DCAF1: variants seen among roughly 807,000 people sequenced by gnomAD.
DCAF1 encodes the protein DDB1- and CUL4-associated factor 1.
In DCAF1, 15 loss-of-function variants were observed where a neutral mutation model predicts 128.0. The ratio of observed to expected loss-of-function variants is 0.12; its 90% CI spans 0.08 to 0.18. The LOEUF is 0.18. Among genes scored for constraint, DCAF1 ranks in the 10% least tolerant of loss-of-function variants. The pLI is 1.00. For missense variants in DCAF1, 988 were observed against 1,649.5 expected (o/e 0.60, Z 6.95); for synonymous variants, 610 against 603.0 (o/e 1.01, Z -0.17).
At chr3:51,417,971 A>G (rs1699049807) in intron 17 of DCAF1, 145 bp downstream of exon 17, 1 of 1,014,482 alleles carries the variant, frequency 9.9e-7, no homozygotes, top group South Asian at 1.7e-5. Context: ...CTTATTAAAC[A>G]TGAGTCTTAG....
At chr3:51,464,264 A>AAT (rs1553645746) in intron 5 of DCAF1, among the ~76,000 whole-genome samples, 2 of 150,398 alleles carry the variant, frequency 1.3e-5, no homozygotes, top group African/African-American at 4.9e-5. Flanking sequence ...AATTATATAT[A>AAT]TAATACAATA....
chr3:51,446,295 C>T (rs1300689091), intron 6 of DCAF1, among the ~76,000 whole-genome samples: 1 of 152,080 alleles, frequency 6.6e-6, no homozygotes, highest in African/African-American at 2.4e-5. Flanking sequence ...CCACCGCACC[C>T]GGCCAAGTTC....
rs561862353 is a variant in DCAF1 at position 51,428,755 on chromosome 3, A to T, written c.1677+506T>A. ...ACACCTGTAATTCTAGCACTTTGGG[A>T]GGTCGAGGTGGGAGGACTGCTTGAG... On this transcript the variant is annotated intron_variant, in intron 12 of 24. Coordinates refer to ENST00000684031, the MANE Select transcript of DCAF1 (RefSeq NM_001387579.1). Among the ~76,000 whole-genome samples, 13 of 152,062 alleles carry T rather than the reference A, an allele frequency of 8.5e-5. No individual in the cohort carries two copies. In the East Asian group the frequency reaches 2.3e-3, roughly 27 times the overall value.
At chr3:51,444,293 T>C (rs1701633980) in intron 6 of DCAF1, among the ~76,000 whole-genome samples, 1 of 151,974 alleles carries the variant, frequency 6.6e-6, no homozygotes, top group Admixed American at 6.6e-5. Flanking sequence ...GGTAATATAT[T>C]AACGTTCTGA....
chr3:51,399,644 A>G (rs1219371676), intron 24 of DCAF1, among the ~76,000 whole-genome samples: 2 of 152,184 alleles, frequency 1.3e-5, no homozygotes, highest in Non-Finnish European at 1.5e-5. Context: ...TGAGGTAGAT[A>G]CACCATGTCT....
At chr3:51,421,956 G>A (rs1419486284) in intron 14 of DCAF1, among the ~76,000 whole-genome samples, 2 of 151,496 alleles carry the variant, frequency 1.3e-5, no homozygotes, top group Non-Finnish European at 2.9e-5. Context: ...TTTTTCCCAT[G>A]AACTTTATTT....
chr3:51,426,084 T>C (rs1553634016), intron 13 of DCAF1, among the ~76,000 whole-genome samples: 1 of 152,254 alleles, frequency 6.6e-6, no homozygotes, highest in African/African-American at 2.4e-5. Context: ...CCAGAGATGA[T>C]GTGATGTCAC....
intron 13 of DCAF1, among the ~76,000 whole-genome samples, chr3:51,424,378 G>A (rs1442160252): frequency 2.6e-5 from 4 of 151,440 alleles, no homozygotes; most frequent in African/African-American, 7.3e-5. Flanking sequence ...ACTCCAGCCT[G>A]GGTGACAGAG....
Position 51,418,937 on chromosome 3 carries a change from C to G in DCAF1, c.3237-61G>C, listed in dbSNP as rs923463553. On this transcript the variant is annotated intron_variant, in intron 15 of 24. Coordinates refer to ENST00000684031, the MANE Select transcript of DCAF1 (RefSeq NM_001387579.1). Reference sequence around the variant, plus strand: ...TGTGCAGGGACTCAGAAAAAGCAAACTGCTAGGATAGAAGAAAAAGCACAG... The same window carrying G: ...TGTGCAGGGACTCAGAAAAAGCAAAGTGCTAGGATAGAAGAAAAAGCACAG... The G allele has an allele frequency of 6.2e-5, 92 of 1,489,442 alleles. 1 individual carries two copies. The highest frequency in any genetic ancestry group is 9.8e-6 in the Non-Finnish European group (11 of 1,118,470). The allele number at this position is 1,489,442 out of a possible 1,614,324, so 92.3% of individuals were successfully genotyped here.
downstream of DCAF1, chr3:51,396,332 G>C (rs1179846850): frequency 5.7e-6 from 1 of 174,048 alleles, no homozygotes; most frequent in East Asian, 1.8e-4. Context: ...TTGGTGAGGA[G>C]TAACACCCTG....
chr3:51,400,960 G>A (rs2089643800), intron 24 of DCAF1, among the ~76,000 whole-genome samples: 1 of 151,810 alleles, frequency 6.6e-6, no homozygotes, highest in African/African-American at 2.4e-5. Context: ...GTGAAACCCT[G>A]TCTCTACTAA....
At chr3:51,415,894 T>C (rs1360538613) in intron 18 of DCAF1, among the ~76,000 whole-genome samples, 4 of 152,126 alleles carry the variant, frequency 2.6e-5, no homozygotes, top group African/African-American at 9.7e-5. Flanking sequence ...AGCTCCCAAC[T>C]TTTGTATTCA....
chr3:51,498,662 T>C (rs1389658038), intron 1 of DCAF1, among the ~76,000 whole-genome samples: 1 of 152,198 alleles, frequency 6.6e-6, no homozygotes, highest in African/African-American at 2.4e-5. Flanking sequence ...AGATACTAAG[T>C]ACAAAATGAT....
intron 9 of DCAF1, among the ~76,000 whole-genome samples, chr3:51,440,769 G>A (rs538840625): frequency 1.3e-5 from 2 of 152,062 alleles, no homozygotes; most frequent in Admixed American, 6.5e-5. Context: ...AGCCATGCAC[G>A]GTAGCATGTG....
chr3:51,491,873 T>C (rs529403862), intron 2 of DCAF1, among the ~76,000 whole-genome samples: 1 of 150,764 alleles, frequency 6.6e-6, no homozygotes, highest in Non-Finnish European at 1.5e-5. Flanking sequence ...AAAGTACTGA[T>C]GAGACTTGGC....
Position 51,398,827 on chromosome 3 carries a change from G to T in DCAF1, c.4466C>A (p.Thr1489Asn). Residue 1489 changes from threonine (T) to asparagine (N), a missense_variant and splice_region_variant, in exon 25 of 25, where the codon ACT becomes AAT. Thr to Asn is a moderately conservative substitution (Grantham distance 65, BLOSUM62 0). Transcript: ENST00000684031. ...DEEVELILGD[T>N]DSSDNSDLED... ...CAAATCAGAGTTGTCAGAGCTGTCA[G>T]CTGAAAGGGAAGAAAAGGGAGAGAC... The T allele has an allele frequency of 6.3e-7, 1 of 1,583,120 alleles. No individual in the cohort carries two copies.
At chr3:51,436,842 T>C (rs552936529) in intron 9 of DCAF1, among the ~76,000 whole-genome samples, 12 of 152,280 alleles carry the variant, frequency 7.9e-5, no homozygotes, top group African/African-American at 1.9e-4. Context: ...TAGAGCATAA[T>C]AGATTTTCTG....
Position 51,420,117 on chromosome 3 carries a change from G to A in DCAF1, c.2853C>T (p.Ser951=), listed in dbSNP as rs782694322. 1 of 1,613,934 alleles carries A rather than the reference G, an allele frequency of 6.2e-7. No homozygotes were observed. Among genetic ancestry groups the A allele is most frequent in the Non-Finnish European group, 8.5e-7 (1 of 1,179,906 alleles). The change falls in exon 15 of 25, where the codon TCC becomes TCT. Residue 951 remains serine, a synonymous_variant. Transcript: ENST00000684031. The surrounding 1 kb of genome is among the most constrained non-coding windows in gnomAD (Gnocchi z 6.5). ...TAAAACTGATTCTACCAATCAAAGG[G>A]GAGTTGCCTGCATAAGATGGGCCGG... The part of the protein sequence containing the change: ...ALPGPSYAGN[S]PLIGRISFIR...
rs1553623821 is a variant in DCAF1 at position 51,398,472 on chromosome 3, C to A, written c.*297G>T. ...AAAGAAAATATATTGTGAAATACCC[C>A]AGAGACATGGTTTTTTTTTCCCCTT... is the stretch of plus-strand genomic sequence containing the variant. On this transcript the variant is annotated 3_prime_UTR_variant, in exon 25 of 25. Coordinates refer to ENST00000684031, the MANE Select transcript of DCAF1 (RefSeq NM_001387579.1). The A allele has an allele frequency of 2.9e-6, 1 of 339,982 alleles. No individual in the cohort carries two copies. The highest frequency in any genetic ancestry group is 4.5e-5 in the Admixed American group (1 of 22,074). 21.1% of individuals were successfully genotyped at this position (339,982 alleles called of 1,614,324 possible).
Sources: gnomAD v4.1 joint callset for allele counts (sites outside exome capture counted in the v4.1 genomes callset) on GRCh38, gnomAD v4.1.1 for gene constraint, Gnocchi (gnomAD v3.1) non-coding constraint, MANE v1.5 for transcripts, NCBI Gene and HGNC (gene_info 2026-07-23, HGNC 2026-07-21) for gene names.